The following CTCFL variants were observed in gnomAD, a reference collection of about 807,000 sequenced individuals.
CTCFL encodes the protein CCCTC-binding factor like, also known as transcriptional repressor CTCFL.
Under a neutral mutation model 67.4 loss-of-function variants are expected in CTCFL, and 36 were observed. The observed-to-expected ratio is 0.53, with a 90% CI of 0.41 to 0.71. The LOEUF (loss-of-function observed/expected upper bound fraction) is 0.71. Ranked by LOEUF, CTCFL falls within the 30% of genes least tolerant of loss-of-function variation. The pLI is 0.00. For synonymous variants in CTCFL, 324 were observed against 302.3 expected, an observed-to-expected ratio of 1.07 and a Z score of -0.75; for missense variants, 786 against 835.2, an observed-to-expected ratio of 0.94 and a Z score of 0.73.
chr20:57,517,177 G>C (rs938100896), intron 5 of CTCFL, among the ~76,000 whole-genome samples: 5 of 151,950 alleles, frequency 3.3e-5, no homozygotes, highest in African/African-American at 9.7e-5. Flanking sequence ...TGTATAGCAT[G>C]AAAGTTTTGA....
rs2068861239 is a variant in CTCFL at position 57,515,644 on chromosome 20, A to T, written c.1180+70T>A. ...TTGAACTTTAATTGTGCCAATAAAAAGTAATTTTTTAAAGCTTGCTTTAAG... is the reference window on the plus strand; with the variant it reads ...TTGAACTTTAATTGTGCCAATAAAATGTAATTTTTTAAAGCTTGCTTTAAG... On this transcript the variant is annotated intron_variant, in intron 6 of 10. Coordinates refer to ENST00000243914, the MANE Select transcript of CTCFL (RefSeq NM_001386993.1). 3 of 1,601,354 alleles carry T rather than the reference A, an allele frequency of 1.9e-6. No homozygotes were observed. The South Asian group carries it at 3.3e-5, about 18-fold the overall frequency.
chr20:57,515,442 G>C, intron 6 of CTCFL: 1 of 396,348 alleles, frequency 2.5e-6, no homozygotes, highest in Non-Finnish European at 4.7e-6. Flanking sequence ...ACCATGCCTG[G>C]CCAGGAGTTG....
intron 9 of CTCFL, 27 bp downstream of exon 9, chr20:57,508,579 G>T (rs2068353275): frequency 5.0e-6 from 8 of 1,607,174 alleles, no homozygotes; most frequent in African/African-American, 1.3e-5. Context: ...TTCCATGGGG[G>T]ATTTACTGTG....
chr20:57,502,175 C>CGGG (rs1447310341), intron 10 of CTCFL, among the ~76,000 whole-genome samples: 3 of 152,056 alleles, frequency 2.0e-5, no homozygotes, highest in Non-Finnish European at 4.4e-5. Flanking sequence ...AAAGGCAGGC[C>CGGG]GGGGGCACAC....
intron 3 of CTCFL, among the ~76,000 whole-genome samples, chr20:57,520,550 CA>C (rs1377757735): frequency 6.6e-6 from 1 of 152,158 alleles, no homozygotes; most frequent in East Asian, 1.9e-4. Flanking sequence ...AGCTGATTCT[CA>C]GTAAAAAAGA....
At chr20:57,524,874 C>G (rs1406132481) in intron 1 of CTCFL, 154 bp downstream of exon 1, 1 of 533,630 alleles carries the variant, frequency 1.9e-6, no homozygotes, top group Non-Finnish European at 2.4e-6. Context: ...CCCTGCCCCC[C>G]ACGCCCCGCC....
chr20:57,524,548 C>T, intron 1 of CTCFL: 3 of 1,088,570 alleles, frequency 2.8e-6, no homozygotes, highest in Non-Finnish European at 3.4e-6. Flanking sequence ...CTGGGCCTAG[C>T]AAGGTTAGGC....
intron 2 of CTCFL, 86 bp downstream of exon 2, chr20:57,523,576 TA>T: frequency 6.6e-7 from 1 of 1,512,786 alleles, no homozygotes; most frequent in Non-Finnish European, 8.8e-7. Flanking sequence ...AACTGCAAAA[TA>T]CCTTGTCCAG....
chr20:57,512,300 A>G (rs2068615972), intron 8 of CTCFL, among the ~76,000 whole-genome samples: 1 of 152,194 alleles, frequency 6.6e-6, no homozygotes, highest in Non-Finnish European at 1.5e-5. Flanking sequence ...TTGGCACCAA[A>G]AGTGCAAATG....
intron 9 of CTCFL, chr20:57,507,194 CT>C (rs113180346): frequency 0.14 from 28,773 of 212,172 alleles, 1,067 homozygotes; most frequent in Middle Eastern, 0.17. Context: ...GAATGTGCCA[CT>C]TTTTTTTTTT....
chr20:57,513,353 G>C (rs2068688175), intron 7 of CTCFL: 16 of 986,516 alleles, frequency 1.6e-5, no homozygotes, highest in Non-Finnish European at 1.9e-5. Flanking sequence ...AAGCATGATG[G>C]TCTTGTGATA....
Position 57,517,339 on chromosome 20 carries a change from C to T in CTCFL, c.1059+1419G>A, listed in dbSNP as rs546168310. Among the ~76,000 whole-genome samples the T allele has an allele frequency of 2.5e-4, 37 of 146,936 alleles. 1 individual carries two copies. Among genetic ancestry groups the T allele is most frequent in the Admixed American group, 5.5e-4 (8 of 14,548 alleles). ...TCACTCTCGTCCAGACTGGAGTGCG[C>T]GATTTCGGCTCACTGGAACCTCTGC... is the stretch of plus-strand genomic sequence containing the variant. On this transcript the variant is annotated intron_variant, in intron 5 of 10. Coordinates refer to ENST00000243914, the MANE Select transcript of CTCFL (RefSeq NM_001386993.1).
Position 57,498,672 on chromosome 20 carries a change from T to C in CTCFL, c.1870A>G (p.Lys624Glu). Residue 624 changes from lysine (K) to glutamate (E), a missense_variant, in exon 11 of 11, where the codon AAG (lysine) becomes GAG (glutamate). Lys to Glu is a moderately conservative substitution (Grantham distance 56). This residue lies in a region of CTCFL where 199 missense variants were observed against 196.7 expected (regional missense o/e 1.01). Transcript: ENST00000243914. ...ATCTCTCCTGGGAACTGTTCTCCCTTCGTGGTGGAAGCCTCCTCAGCAGCA... is the reference window on the plus strand; with the variant it reads ...ATCTCTCCTGGGAACTGTTCTCCCTCCGTGGTGGAAGCCTCCTCAGCAGCA... ...EAAAEEASTT[K>E]GEQFPGEMFP... 1.2e-6 allele frequency: 2 copies of C among 1,613,924 alleles called. No individual in the cohort carries two copies. The highest frequency in any genetic ancestry group is 1.7e-6 in the Non-Finnish European group (2 of 1,179,892).
rs750904947 is a variant in CTCFL at position 57,498,186 on chromosome 20, C to T, written c.*364G>A. The T allele has an allele frequency of 3.3e-5, 33 of 997,720 alleles. No individual in the cohort carries two copies. The highest frequency in any genetic ancestry group is 3.8e-5 in the Non-Finnish European group (32 of 838,014). 61.8% of individuals were successfully genotyped at this position (997,720 alleles called of 1,614,324 possible). On this transcript the variant is annotated 3_prime_UTR_variant, in exon 11 of 11. Coordinates refer to ENST00000243914, the MANE Select transcript of CTCFL (RefSeq NM_001386993.1). ...TGAAATATCCAAAAATCACTACTCA[C>T]TCATTGTGGGCCACCTTGCCAATAT...
intron 9 of CTCFL, chr20:57,507,400 G>A (rs1486354637): frequency 3.4e-6 from 2 of 587,640 alleles, no homozygotes; most frequent in Admixed American, 2.9e-5. Flanking sequence ...GTTTCACCAT[G>A]TTGGCCAGGC....
intron 7 of CTCFL, chr20:57,513,146 A>G (rs2068676093): frequency 1.6e-6 from 1 of 631,866 alleles, no homozygotes; most frequent in Non-Finnish European, 2.0e-6. Context: ...TTCATTGAAC[A>G]AAGCACTTTG....
chr20:57,497,349 C>T lies in CTCFL; in HGVS notation c.*1201G>A, dbSNP rs2067737591. ...GGTACAAAGAGAATATAATGCTCTT[C>T]CTGCTGGGAAATTATTTCCACATAT... is the stretch of plus-strand genomic sequence containing the variant. On this transcript the variant is annotated 3_prime_UTR_variant, in exon 11 of 11. Transcript: ENST00000243914. 5.1e-6 allele frequency: 5 copies of T among 985,086 alleles called. No homozygotes were observed. Among genetic ancestry groups the T allele is most frequent in the Non-Finnish European group, 4.8e-6 (4 of 829,770 alleles). The allele number at this position is 985,086 out of a possible 1,614,324, so 61.0% of individuals were successfully genotyped here.
At chr20:57,504,085 T>C (rs1036352701) in intron 9 of CTCFL, among the ~76,000 whole-genome samples, 1 of 151,808 alleles carries the variant, frequency 6.6e-6, no homozygotes, top group African/African-American at 2.4e-5. Context: ...CACGTCATTC[T>C]CCTGCCTCAG....
At chr20:57,517,919 CAACCTT>C (rs1390858180) in intron 5 of CTCFL, among the ~76,000 whole-genome samples, 4 of 152,324 alleles carry the variant, frequency 2.6e-5, no homozygotes, top group Admixed American at 2.0e-4. Context: ...ACTACAATCA[CAACCTT>C]TAACTCAGAT....
Sources: gnomAD v4.1 joint callset for allele counts (sites outside exome capture counted in the v4.1 genomes callset) on GRCh38, gnomAD v4.1.1 for gene constraint, gnomAD v4.1.1 regional missense constraint, MANE v1.5 for transcripts, NCBI Gene and HGNC (gene_info 2026-07-23, HGNC 2026-07-21) for gene names.